Variants in WSCD2 observed in about 807,000 individuals in gnomAD.
WSCD2 encodes sialate:O-sulfotransferase 2.
Under a neutral mutation model 55.7 loss-of-function variants are expected in WSCD2, and 28 were observed. The ratio of observed to expected loss-of-function variants is 0.50; its 90% CI spans 0.37 to 0.69. The LOEUF (loss-of-function observed/expected upper bound fraction) is 0.69. Among genes scored for constraint, WSCD2 ranks in the 30% least tolerant of loss-of-function variants. WSCD2 has a pLI of 0.00. For missense variants in WSCD2, 616 were observed against 762.1 expected (o/e 0.81, Z 2.26); for synonymous variants, 301 against 301.9 (o/e 1.00, Z 0.03).
At chr12:108,242,063 G>A (rs1433667493) in intron 8 of WSCD2, among the ~76,000 whole-genome samples, 3 of 152,200 alleles carry the variant, frequency 2.0e-5, no homozygotes, top group Non-Finnish European at 4.4e-5. Context: ...CTCTGCAAAT[G>A]TGAGTTGTCC....
chr12:108,206,239 C>T, intron 2 of WSCD2, 50 bp from the exon 3 acceptor site: 1 of 1,497,410 alleles, frequency 6.7e-7, no homozygotes, highest in Non-Finnish European at 9.3e-7. Flanking sequence ...CCTCCTGTAA[C>T]CCTTGCAGCT....
intron 2 of WSCD2, among the ~76,000 whole-genome samples, chr12:108,202,629 A>G (rs1229251651): frequency 6.6e-6 from 1 of 152,198 alleles, no homozygotes; most frequent in Non-Finnish European, 1.5e-5. Context: ...GCACGTTCTC[A>G]CTTATAAGTG....
intron 6 of WSCD2, among the ~76,000 whole-genome samples, chr12:108,230,340 C>G (rs1280973846): frequency 6.6e-6 from 1 of 152,152 alleles, no homozygotes; most frequent in African/African-American, 2.4e-5. Context: ...CATCTCAGAA[C>G]AAAAATTAAA....
intron 1 of WSCD2, among the ~76,000 whole-genome samples, chr12:108,180,333 C>T (rs1881553971): frequency 6.6e-6 from 1 of 152,174 alleles, no homozygotes; most frequent in East Asian, 1.9e-4. Context: ...ATATTTGGCT[C>T]CCACTGATTA....
intron 1 of WSCD2, among the ~76,000 whole-genome samples, chr12:108,193,638 T>C (rs572739937): frequency 2.8e-4 from 42 of 152,002 alleles, no homozygotes; most frequent in African/African-American, 8.9e-4. Flanking sequence ...GATGGACGGA[T>C]GGGTTAACGA....
intron 1 of WSCD2, among the ~76,000 whole-genome samples, chr12:108,193,673 TGACA>T (rs1368900781): frequency 4.0e-5 from 6 of 151,686 alleles, no homozygotes; most frequent in Non-Finnish European, 7.4e-5. Flanking sequence ...GGATGCTGGA[TGACA>T]GACAGATGAA....
rs183986088 is a variant in WSCD2, at chr12:108,193,152, T to C, written c.-551-2130T>C. Among the ~76,000 whole-genome samples the C allele has an allele frequency of 2.4e-3, 366 of 152,332 alleles. 2 individuals carry two copies. The highest frequency in any genetic ancestry group is 8.3e-3 in the African/African-American group (347 of 41,566). ...TAAAAATAGATATAGGTCTCCCTCA[T>C]AGAAATGTTTAAATGAGAGTATGTA... is the stretch of plus-strand genomic sequence containing the variant. On this transcript the variant is annotated intron_variant, in intron 1 of 8. Coordinates refer to ENST00000547525, the MANE Select transcript of WSCD2 (RefSeq NM_014653.4).
intron 1 of WSCD2, among the ~76,000 whole-genome samples, chr12:108,186,801 T>C (rs1256970379): frequency 1.3e-5 from 2 of 152,182 alleles, no homozygotes; most frequent in Non-Finnish European, 2.9e-5. Flanking sequence ...TAACTGTAGC[T>C]TATTGAGCCC....
At chr12:108,134,271 G>A (rs1281908871) in intron 1 of WSCD2, among the ~76,000 whole-genome samples, 2 of 152,164 alleles carry the variant, frequency 1.3e-5, no homozygotes, top group South Asian at 2.1e-4. Flanking sequence ...GCCATAAGAC[G>A]TCACTGCTCT....
intron 1 of WSCD2, chr12:108,131,971 T>C (rs922597785): frequency 2.0e-5 from 3 of 152,288 alleles, no homozygotes; most frequent in Non-Finnish European, 4.4e-5. Flanking sequence ...TACCCCATGC[T>C]GGGCAGACAA....
At chr12:108,206,078 G>C (rs1312556861) in intron 2 of WSCD2, among the ~76,000 whole-genome samples, 1 of 152,156 alleles carries the variant, frequency 6.6e-6, no homozygotes, top group Non-Finnish European at 1.5e-5. Flanking sequence ...CCCACAGAAG[G>C]CTTCACTCCT....
chr12:108,212,251 A>T (rs79693203), intron 4 of WSCD2, among the ~76,000 whole-genome samples: 2,694 of 152,204 alleles, frequency 0.018, 79 homozygotes, highest in African/African-American at 0.06. Flanking sequence ...GATCGCCTTT[A>T]TGTCAATATT....
Position 108,197,417 on chromosome 12 carries a change from G to C in WSCD2, c.382+1203G>C, listed in dbSNP as rs529846017. On this transcript the variant is annotated intron_variant, in intron 2 of 8. Transcript: ENST00000547525. ...CCAATGCTCACAGGGAGGCAAAGGA[G>C]ATGTTGGAAGTGGTAGAATGGATCA... Among the ~76,000 whole-genome samples, 7 of 152,220 alleles carry C rather than the reference G, an allele frequency of 4.6e-5. No homozygotes were observed. In the South Asian group the frequency reaches 1.5e-3, roughly 32 times the overall value.
chr12:108,170,094 A>G (rs1880077634), intron 1 of WSCD2, among the ~76,000 whole-genome samples: 1 of 152,210 alleles, frequency 6.6e-6, no homozygotes, highest in African/African-American at 2.4e-5. Flanking sequence ...TTAAAGCTGT[A>G]TGCTGGCAGT....
chr12:108,161,960 ACT>A (rs1170504942), intron 1 of WSCD2, among the ~76,000 whole-genome samples: 1 of 152,168 alleles, frequency 6.6e-6, no homozygotes, highest in Non-Finnish European at 1.5e-5. Flanking sequence ...TTCACTGTGC[ACT>A]GTCATCTCAA....
At chr12:108,234,012 G>C (rs377117015) in intron 7 of WSCD2, among the ~76,000 whole-genome samples, 14 of 152,296 alleles carry the variant, frequency 9.2e-5, no homozygotes, top group African/African-American at 3.1e-4. Flanking sequence ...ATAAGAGTAC[G>C]TACCTCATGA....
intron 1 of WSCD2, among the ~76,000 whole-genome samples, chr12:108,193,387 C>T (rs1883437903): frequency 6.6e-6 from 1 of 152,202 alleles, no homozygotes; most frequent in Non-Finnish European, 1.5e-5. Flanking sequence ...CAAACACACA[C>T]ATAGTAGGCA....
chr12:108,158,046 C>T (rs1050068551), intron 1 of WSCD2, among the ~76,000 whole-genome samples: 2 of 152,166 alleles, frequency 1.3e-5, no homozygotes, highest in Non-Finnish European at 2.9e-5. Context: ...ATCCTACACT[C>T]GGCAGATTCC....
At position 108,196,026 on chromosome 12, in the gene WSCD2, CCTT is replaced by C; in HGVS notation, c.198_200del (p.Phe66del). 6.2e-7 allele frequency: 1 copy of C among 1,614,222 alleles called. No individual in the cohort carries two copies. Among genetic ancestry groups the C allele is most frequent in the Non-Finnish European group, 8.5e-7 (1 of 1,180,042 alleles). ...GGCCCAGCTGAGGGTGCTGAGCTGT[CCTT>C]CTTGGGTGACATGCATCTGGGCAGA... On this transcript the variant is annotated inframe_deletion, in exon 2 of 9. Transcript: ENST00000547525.
Sources: allele counts gnomAD v4.1 joint callset (sites outside exome capture counted in the v4.1 genomes callset), GRCh38; gene constraint gnomAD v4.1.1; transcripts MANE v1.5; gene names NCBI Gene and HGNC (gene_info 2026-07-23, HGNC 2026-07-21).